NPVF: variants seen among roughly 807,000 people sequenced by gnomAD.
The protein encoded by NPVF is neuropeptide VF precursor, also known as pro-FMRFamide-related neuropeptide VF.
A neutral mutation model predicts 15.7 loss-of-function variants in NPVF; 17 were observed. That is an observed-to-expected ratio of 1.08 (90% CI 0.74 to 1.62). NPVF has a LOEUF of 1.62. Ranked by LOEUF, NPVF falls within the 40% of genes most tolerant of loss-of-function variation. The pLI is 0.00. For missense variants in NPVF, 270 were observed against 225.2 expected (o/e 1.20, Z -1.27); for synonymous variants, 70 against 80.1 (o/e 0.87, Z 0.67).
At position 25,225,066 on chromosome 7, in the gene NPVF, C is replaced by T; in HGVS notation, c.*56G>A. On this transcript the variant is annotated 3_prime_UTR_variant, in exon 3 of 3. Coordinates refer to ENST00000222674, the MANE Select transcript of NPVF (RefSeq NM_022150.3). ...TAGCTACTCTTCCGTGTGGTCTTCG[C>T]TATAGAGCCATTTGTAGATTACAGG... 1 of 1,490,284 alleles carries T rather than the reference C, an allele frequency of 6.7e-7. No homozygotes were observed. Among genetic ancestry groups the T allele is most frequent in the Non-Finnish European group, 9.3e-7 (1 of 1,073,970 alleles). The allele number at this position is 1,490,284 out of a possible 1,614,324, so 92.3% of individuals were successfully genotyped here. A position where few individuals can be genotyped will look rare whatever the true frequency, so the allele number is the denominator to read the frequency against.
chr7:25,226,514 A>G, intron 2 of NPVF, 112 bp downstream of exon 2: 1 of 1,288,834 alleles, frequency 7.8e-7, no homozygotes, highest in Non-Finnish European at 1.1e-6. Flanking sequence ...CTCTCCTGCT[A>G]GGAAACTTAC....
intron 1 of NPVF, among the ~76,000 whole-genome samples, chr7:25,227,498 G>A (rs16873800): frequency 0.05 from 7,663 of 152,204 alleles, 432 homozygotes; most frequent in East Asian, 0.18. Flanking sequence ...ATGCTGGCCA[G>A]GTTTTGGGGT....
At chr7:25,226,457 T>C (rs889298962) in intron 2 of NPVF, among the ~76,000 whole-genome samples, 169 bp downstream of exon 2, 1 of 152,244 alleles carries the variant, frequency 6.6e-6, no homozygotes, top group African/African-American at 2.4e-5. Flanking sequence ...CCTGGCCTTC[T>C]ATAGTTCCCA....
Position 25,225,069 on chromosome 7 carries a change from TAGA to T in NPVF, c.*50_*52del. 6.6e-7 allele frequency: 1 copy of T among 1,507,378 alleles called. No homozygotes were observed. Among genetic ancestry groups the T allele is most frequent in the Non-Finnish European group, 9.2e-7 (1 of 1,089,142 alleles). 93.4% of individuals were successfully genotyped at this position (1,507,378 alleles called of 1,614,324 possible). On this transcript the variant is annotated 3_prime_UTR_variant, in exon 3 of 3. Coordinates refer to ENST00000222674, the MANE Select transcript of NPVF (RefSeq NM_022150.3). ...CTACTCTTCCGTGTGGTCTTCGCTATAGAGCCATTTGTAGATTACAGGCCACAG... is the reference window on the plus strand; with the variant it reads ...CTACTCTTCCGTGTGGTCTTCGCTATGCCATTTGTAGATTACAGGCCACAG...
Position 25,224,896 on chromosome 7 carries a change from A to C in NPVF, c.*226T>G, listed in dbSNP as rs1259620171. 2.0e-6 allele frequency: 1 copy of C among 502,404 alleles called. No homozygotes were observed. Among genetic ancestry groups the C allele is most frequent in the Non-Finnish European group, 3.5e-6 (1 of 288,396 alleles). The allele number at this position is 502,404 out of a possible 1,614,324, so 31.1% of individuals were successfully genotyped here. A position where few individuals can be genotyped will look rare whatever the true frequency, so the allele number is the denominator to read the frequency against. The stretch of plus-strand genomic sequence containing the variant: ...TATCAGAGATTTCTAAAGCATTTGC[A>C]ATGCTTTTTTTTTATTCAGACAAAA... On this transcript the variant is annotated 3_prime_UTR_variant, in exon 3 of 3. Coordinates refer to ENST00000222674, the MANE Select transcript of NPVF (RefSeq NM_022150.3).
chr7:25,228,125 G>T (rs1357011059), intron 1 of NPVF, among the ~76,000 whole-genome samples, 177 bp downstream of exon 1: 1 of 152,198 alleles, frequency 6.6e-6, no homozygotes, highest in Non-Finnish European at 1.5e-5. Flanking sequence ...AGGCCAGCCT[G>T]ATTGCTGTCG....
At chr7:25,227,115 C>A in intron 1 of NPVF, 89 bp from the exon 2 acceptor site, 1 of 1,149,030 alleles carries the variant, frequency 8.7e-7, no homozygotes, top group Non-Finnish European at 1.2e-6. Flanking sequence ...AGACTTTAAT[C>A]TGCAGAATTG....
Position 25,226,780 on chromosome 7 carries a change from G to C in NPVF, c.385C>G (p.Gln129Glu), listed in dbSNP as rs1327780510. 6.2e-7 allele frequency: 1 copy of C among 1,614,058 alleles called. No individual in the cohort carries two copies. The highest frequency in any genetic ancestry group is 8.5e-7 in the Non-Finnish European group (1 of 1,179,990). The stretch of plus-strand genomic sequence containing the variant: ...GCTGTTGTTGTTCTCCCAAACCTTT[G>C]GGGCAGGTTAGGAACACGTCTCACG... Reference protein sequence around the residue: ...SLVRRVPNLPQRFGRTTTAKS... With the variant: ...SLVRRVPNLPERFGRTTTAKS... The change falls in exon 2 of 3, where the codon CAA becomes GAA. Residue 129 changes from glutamine to glutamate, a missense_variant. Transcript: ENST00000222674.
In NPVF at chr7:25,227,043, C is replaced by T; in HGVS notation, c.139-17G>A. On this transcript the variant is annotated splice_polypyrimidine_tract_variant and intron_variant, in intron 1 of 2. Transcript: ENST00000222674. ...TCCTCTAGGCTATAATTAGAAATGA[C>T]CATTACAATAACATACTGTTGTTAT... 6.3e-7 allele frequency: 1 copy of T among 1,585,908 alleles called. No homozygotes were observed. The highest frequency in any genetic ancestry group is 1.1e-5 in the South Asian group (1 of 87,396).
Position 25,224,879 on chromosome 7 carries a change from A to G in NPVF, c.*243T>C, listed in dbSNP as rs1222127173. On this transcript the variant is annotated 3_prime_UTR_variant, in exon 3 of 3. Coordinates refer to ENST00000222674, the MANE Select transcript of NPVF (RefSeq NM_022150.3). ...TCTGTCTCTCTCTCCATTATCAGAGATTTCTAAAGCATTTGCAATGCTTTT... is the reference window on the plus strand; with the variant it reads ...TCTGTCTCTCTCTCCATTATCAGAGGTTTCTAAAGCATTTGCAATGCTTTT... 4.3e-6 allele frequency: 2 copies of G among 465,580 alleles called. No homozygotes were observed. The highest frequency in any genetic ancestry group is 4.1e-5 in the African/African-American group (2 of 49,102). The allele number at this position is 465,580 out of a possible 1,614,324, so 28.8% of individuals were successfully genotyped here. A position where few individuals can be genotyped will look rare whatever the true frequency, so the allele number is the denominator to read the frequency against.
At chr7:25,226,544 G>T in intron 2 of NPVF, 82 bp downstream of exon 2, 1 of 1,459,800 alleles carries the variant, frequency 6.9e-7, no homozygotes, top group Non-Finnish European at 9.3e-7. Context: ...AACTTATGTT[G>T]AAAAGATGTA....
rs538128552 is a variant in NPVF, at chr7:25,228,399, A to G, written c.41T>C (p.Leu14Ser). The G allele has an allele frequency of 5.0e-6, 8 of 1,585,196 alleles. No individual in the cohort carries two copies. The South Asian group carries it at 6.7e-5, about 13-fold the overall frequency. ...ISSKLFILLT[L>S]ATSSLLTSNI... is the part of the protein sequence containing the mutation. ...TGATGTTAACAAGCTTGAAGTGGCT[A>G]AAGTCAATAAAATGAATAGTTTTGA... Residue 14 changes from leucine to serine, a missense_variant, in exon 1 of 3, where the codon TTA becomes TCA. Leu to Ser is a moderately radical substitution (Grantham distance 145). Transcript: ENST00000222674.
intron 2 of NPVF, 146 bp downstream of exon 2, chr7:25,226,480 T>G: frequency 1.1e-6 from 1 of 909,550 alleles, no homozygotes; most frequent in Non-Finnish European, 1.7e-6. Context: ...TTACAGGTAT[T>G]TAGTTCCTTG....
At position 25,224,879 on chromosome 7, in the gene NPVF, A is replaced by T; in HGVS notation, c.*243T>A. On this transcript the variant is annotated 3_prime_UTR_variant, in exon 3 of 3. Coordinates refer to ENST00000222674, the MANE Select transcript of NPVF (RefSeq NM_022150.3). Reference sequence around the variant, plus strand: ...TCTGTCTCTCTCTCCATTATCAGAGATTTCTAAAGCATTTGCAATGCTTTT... The same window carrying T: ...TCTGTCTCTCTCTCCATTATCAGAGTTTTCTAAAGCATTTGCAATGCTTTT... 1 of 465,698 alleles carries T rather than the reference A, an allele frequency of 2.1e-6. No homozygotes were observed. Among genetic ancestry groups the T allele is most frequent in the Non-Finnish European group, 3.7e-6 (1 of 267,052 alleles). The allele number at this position is 465,698 out of a possible 1,614,324, so 28.8% of individuals were successfully genotyped here. A position where few individuals can be genotyped will look rare whatever the true frequency, so the allele number is the denominator to read the frequency against.
Position 25,225,091 on chromosome 7 carries a change from G to T in NPVF, c.*31C>A. 1 of 1,602,048 alleles carries T rather than the reference G, an allele frequency of 6.2e-7. No individual in the cohort carries two copies. The highest frequency in any genetic ancestry group is 8.5e-7 in the Non-Finnish European group (1 of 1,171,048). On this transcript the variant is annotated 3_prime_UTR_variant, in exon 3 of 3. Coordinates refer to ENST00000222674, the MANE Select transcript of NPVF (RefSeq NM_022150.3). Reference sequence around the variant, plus strand: ...CTATAGAGCCATTTGTAGATTACAGGCCACAGCTTTAGGGACAGGCTCCAG... The same window carrying T: ...CTATAGAGCCATTTGTAGATTACAGTCCACAGCTTTAGGGACAGGCTCCAG...
intron 1 of NPVF, among the ~76,000 whole-genome samples, chr7:25,227,346 T>C (rs1783143666): frequency 6.6e-6 from 1 of 152,204 alleles, no homozygotes; most frequent in Admixed American, 6.5e-5. Flanking sequence ...AGTTATTCTC[T>C]TTTGGTTTTT....
chr7:25,226,813 C>T lies in NPVF; in HGVS notation c.352G>A (p.Val118Met). The T allele has an allele frequency of 4.3e-6, 7 of 1,614,132 alleles. No homozygotes were observed. The highest frequency in any genetic ancestry group is 5.1e-6 in the Non-Finnish European group (6 of 1,179,984). ...LPLRSGRNME[V>M]SLVRRVPNLP... ...TTAGGAACACGTCTCACGAGGCTCA[C>T]CTCCATATTTCTTCCAGATCTCAGA... The change falls in exon 2 of 3, where the codon GTG becomes ATG. Residue 118 changes from valine to methionine, a missense_variant. Physicochemically the swap from Val to Met is conservative, Grantham distance 21. Transcript: ENST00000222674.
chr7:25,225,934 A>G (rs1293487474), intron 2 of NPVF, among the ~76,000 whole-genome samples: 1 of 152,172 alleles, frequency 6.6e-6, no homozygotes, highest in Non-Finnish European at 1.5e-5. Context: ...GGAAAAGAAC[A>G]AACCTGGAGT....
intron 2 of NPVF, 46 bp downstream of exon 2, chr7:25,226,580 C>T: frequency 1.3e-6 from 2 of 1,580,524 alleles, no homozygotes; most frequent in Non-Finnish European, 1.7e-6. Context: ...TCTAGACCAC[C>T]TCTATATAAC....
Sources: allele counts gnomAD v4.1 joint callset (sites outside exome capture counted in the v4.1 genomes callset), GRCh38; gene constraint gnomAD v4.1.1; transcripts MANE v1.5; gene names NCBI Gene and HGNC (gene_info 2026-07-23, HGNC 2026-07-21).